The following SETBP1 variants were observed in gnomAD, a reference collection of about 807,000 sequenced individuals.
SETBP1 encodes the protein SET binding protein 1.
SETBP1 carries 9 observed loss-of-function variants against 101.0 expected under a neutral mutation model. The observed-to-expected ratio is 0.09, with a 90% CI of 0.05 to 0.16. The LOEUF is 0.16. Ranked by LOEUF, SETBP1 falls within the 10% of genes least tolerant of loss-of-function variation. SETBP1 has a pLI of 1.00. For missense variants in SETBP1, 1,858 were observed against 2,033.8 expected, an observed-to-expected ratio of 0.91 and a Z score of 1.66; for synonymous variants, 818 against 788.5, an observed-to-expected ratio of 1.04 and a Z score of -0.63.
At position 44,839,406 on chromosome 18, in the gene SETBP1, T is replaced by C. The variant is rs568475573; in HGVS notation, c.487-29824T>C. On this transcript the variant is annotated intron_variant, in intron 2 of 5. Coordinates refer to ENST00000649279, the MANE Select transcript of SETBP1 (RefSeq NM_015559.3). ...TCAGCATGCTAGGCAAACCTGGGTG[T>C]TGCTGCTGCTGCTGCTGCTGCTGCT... 9.7e-4 allele frequency among the ~76,000 whole-genome samples: 148 copies of C among 151,958 alleles called. 1 individual carries two copies. Among genetic ancestry groups the C allele is most frequent in the East Asian group, 1.2e-3 (6 of 5,144 alleles).
At chr18:44,934,901 T>A (rs971167925) in intron 3 of SETBP1, among the ~76,000 whole-genome samples, 2 of 152,188 alleles carry the variant, frequency 1.3e-5, no homozygotes, top group African/African-American at 4.8e-5. Flanking sequence ...TGCCACACTA[T>A]CTTCAGCAGG....
chr18:44,783,331 G>A (rs985890521), intron 2 of SETBP1, among the ~76,000 whole-genome samples: 4 of 152,124 alleles, frequency 2.6e-5, no homozygotes, highest in Non-Finnish European at 5.9e-5. Context: ...TCTTTCTCAT[G>A]GATCTTTATC....
At chr18:44,905,587 C>G (rs2070156774) in intron 3 of SETBP1, among the ~76,000 whole-genome samples, 1 of 152,052 alleles carries the variant, frequency 6.6e-6, no homozygotes, top group Non-Finnish European at 1.5e-5. Context: ...ACTAAAGGCA[C>G]TGAAGAATTG....
intron 2 of SETBP1, among the ~76,000 whole-genome samples, chr18:44,795,418 T>C (rs968153098): frequency 6.6e-6 from 1 of 152,174 alleles, no homozygotes; most frequent in Non-Finnish European, 1.5e-5. Flanking sequence ...CTATAGCTGT[T>C]ATTAGAAGTA....
At chr18:44,909,208 T>C (rs1568211837) in intron 3 of SETBP1, among the ~76,000 whole-genome samples, 3 of 152,230 alleles carry the variant, frequency 2.0e-5, no homozygotes, top group Non-Finnish European at 4.4e-5. Flanking sequence ...CTTCTTTAAC[T>C]GCTGGCAGTG....
intron 2 of SETBP1, among the ~76,000 whole-genome samples, chr18:44,816,691 T>C (rs1224874949): frequency 6.6e-6 from 1 of 152,198 alleles, no homozygotes; most frequent in Non-Finnish European, 1.5e-5. Flanking sequence ...CAGAGGCCTG[T>C]GTTCAACGAA....
intron 3 of SETBP1, among the ~76,000 whole-genome samples, chr18:44,931,925 T>A (rs2070845026): frequency 6.6e-6 from 1 of 152,238 alleles, no homozygotes; most frequent in Non-Finnish European, 1.5e-5. Flanking sequence ...AATTGGAGAA[T>A]TTAGCCCATT....
At chr18:44,822,008 C>T (rs28723421) in intron 2 of SETBP1, among the ~76,000 whole-genome samples, 2,587 of 152,312 alleles carry the variant, frequency 0.017, 71 homozygotes, top group African/African-American at 0.058. Flanking sequence ...AAGGATATTC[C>T]TCTCTACTGA....
intron 2 of SETBP1, among the ~76,000 whole-genome samples, chr18:44,868,940 C>T (rs1599251133): frequency 6.6e-6 from 1 of 152,274 alleles, no homozygotes; most frequent in Admixed American, 6.5e-5. Context: ...CTGATGAAGG[C>T]CATCCATAGC....
At chr18:44,861,625 A>C (rs1233402533) in intron 2 of SETBP1, among the ~76,000 whole-genome samples, 1 of 152,180 alleles carries the variant, frequency 6.6e-6, no homozygotes, top group East Asian at 1.9e-4. Context: ...GAAAAAGAAC[A>C]TGAGTTAGCC....
intron 2 of SETBP1, among the ~76,000 whole-genome samples, chr18:44,716,727 T>C (rs2069473549): frequency 6.6e-6 from 1 of 152,006 alleles, no homozygotes; most frequent in Admixed American, 6.6e-5. Flanking sequence ...CATGCCCGGC[T>C]CATTTTTGTA....
At chr18:44,943,640 C>G (rs1406072967) in intron 3 of SETBP1, among the ~76,000 whole-genome samples, 1 of 152,150 alleles carries the variant, frequency 6.6e-6, no homozygotes, top group African/African-American at 2.4e-5. Context: ...TGCTAACATA[C>G]AGCCAGAGTT....
intron 2 of SETBP1, among the ~76,000 whole-genome samples, chr18:44,815,218 G>A (rs1439773643): frequency 4.6e-5 from 7 of 152,188 alleles, no homozygotes; most frequent in South Asian, 4.1e-4. Context: ...TGTTCCCACC[G>A]TTAGGAACTG....
intron 2 of SETBP1, among the ~76,000 whole-genome samples, chr18:44,790,499 G>A (rs568568101): frequency 6.6e-6 from 1 of 152,326 alleles, no homozygotes; most frequent in African/African-American, 2.4e-5. Flanking sequence ...CTGAGGTGCT[G>A]CAAACCCTCA....
At position 44,951,884 on chromosome 18, in the gene SETBP1, A is replaced by G. The variant is rs1262876540; in HGVS notation, c.2544A>G (p.Leu848=). Residue 848 remains leucine, a synonymous_variant, in exon 4 of 6, where the codon CTA becomes CTG. Coordinates refer to ENST00000649279, the MANE Select transcript of SETBP1 (RefSeq NM_015559.3). This position sits in a 1 kb window ranked among gnomAD's most constrained non-coding sequence, Gnocchi z 7.8. ...SPSHLCEIGS[L]KEITLSPVSE... ...CACACCTGTGCGAGATTGGCTCCCT[A>G]AAGGAAATCACGCTGTCCCCTGTGA... The G allele has an allele frequency of 6.2e-7, 1 of 1,613,948 alleles. No individual in the cohort carries two copies. Among genetic ancestry groups the G allele is most frequent in the South Asian group, 1.1e-5 (1 of 91,028 alleles).
At chr18:44,809,261 A>G (rs1348757259) in intron 2 of SETBP1, among the ~76,000 whole-genome samples, 3 of 152,204 alleles carry the variant, frequency 2.0e-5, no homozygotes, top group African/African-American at 7.2e-5. Context: ...AAAAAAATTA[A>G]TTACATGAAT....
At chr18:44,899,574 C>T (rs922715050) in intron 3 of SETBP1, among the ~76,000 whole-genome samples, 3 of 152,160 alleles carry the variant, frequency 2.0e-5, no homozygotes, top group Non-Finnish European at 2.9e-5. Flanking sequence ...GGGCATTCCA[C>T]GCTGGCAGTA....
Position 44,951,571 on chromosome 18 carries a change from C to G in SETBP1, c.2231C>G (p.Thr744Arg). ...CCACCCCCATCCGAAGAACCCAAAA[C>G]AGCCATCAAGCACCCCAGGCCTGTT... Reference protein sequence around the residue: ...ELPPPSEEPKTAIKHPRPVSS... With the variant: ...ELPPPSEEPKRAIKHPRPVSS... Residue 744 changes from threonine to arginine, a missense_variant, in exon 4 of 6, where the codon ACA (threonine) becomes AGA (arginine). Coordinates refer to ENST00000649279, the MANE Select transcript of SETBP1 (RefSeq NM_015559.3). The surrounding 1 kb of genome is among the most constrained non-coding windows in gnomAD (Gnocchi z 7.8). 1 of 1,614,142 alleles carries G rather than the reference C, an allele frequency of 6.2e-7. No homozygotes were observed. The highest frequency in any genetic ancestry group is 8.5e-7 in the Non-Finnish European group (1 of 1,180,028).
intron 3 of SETBP1, among the ~76,000 whole-genome samples, chr18:44,916,305 C>CATCT (rs2070426285): frequency 6.6e-6 from 1 of 152,196 alleles, no homozygotes; most frequent in Non-Finnish European, 1.5e-5. Flanking sequence ...TCCAAACAAA[C>CATCT]ATCTGTTTCT....
Sources: allele counts gnomAD v4.1 joint callset (sites outside exome capture counted in the v4.1 genomes callset), GRCh38; gene constraint gnomAD v4.1.1; non-coding constraint Gnocchi (gnomAD v3.1); transcripts MANE v1.5; gene names NCBI Gene and HGNC (gene_info 2026-07-23, HGNC 2026-07-21).